Variants in PARP8 observed in about 807,000 individuals in gnomAD.
PARP8 encodes the protein protein mono-ADP-ribosyltransferase PARP8.
PARP8 carries 51 observed loss-of-function variants against 124.1 expected under a neutral mutation model. That is an observed-to-expected ratio of 0.41 (90% CI 0.33 to 0.52). PARP8 has a LOEUF of 0.52. Ranked by LOEUF, PARP8 falls within the 20% of genes least tolerant of loss-of-function variation. The pLI is 0.21. For missense variants in PARP8, 860 were observed against 1,018.9 expected (o/e 0.84, Z 2.12); for synonymous variants, 391 against 361.5 (o/e 1.08, Z -0.93).
chr5:50,825,530 CTG>C (rs1436696483), intron 18 of PARP8, among the ~76,000 whole-genome samples: 1 of 152,168 alleles, frequency 6.6e-6, no homozygotes, highest in Non-Finnish European at 1.5e-5. Flanking sequence ...GAGGGCTAGA[CTG>C]TGAAGAGGAG....
rs188388255 is a variant in PARP8, at chr5:50,819,168, T to C, written c.1669-2045T>C. Reference sequence around the variant, plus strand: ...CTTTGGTGCATCCCATGTAATTGAGTCACAGTAGTTACACTTTTTTTTGAA... The same window carrying C: ...CTTTGGTGCATCCCATGTAATTGAGCCACAGTAGTTACACTTTTTTTTGAA... On this transcript the variant is annotated intron_variant, in intron 15 of 25. Coordinates refer to ENST00000281631, the MANE Select transcript of PARP8 (RefSeq NM_024615.4). Among the ~76,000 whole-genome samples the C allele has an allele frequency of 1.1e-3, 170 of 152,238 alleles. 1 individual carries two copies. Among genetic ancestry groups the C allele is most frequent in the South Asian group, 1.9e-3 (9 of 4,824 alleles).
chr5:50,773,599 C>T (rs1761850931), intron 7 of PARP8, among the ~76,000 whole-genome samples: 1 of 152,118 alleles, frequency 6.6e-6, no homozygotes, highest in African/African-American at 2.4e-5. Context: ...TTGATGTCTC[C>T]AGCTTTGTTC....
chr5:50,702,458 T>G (rs1336374205), intron 2 of PARP8, among the ~76,000 whole-genome samples: 1 of 152,184 alleles, frequency 6.6e-6, no homozygotes, highest in Non-Finnish European at 1.5e-5. Context: ...ATGATGATTT[T>G]CAGGGCTTCT....
At chr5:50,681,136 T>C (rs1276648625) in intron 2 of PARP8, among the ~76,000 whole-genome samples, 2 of 152,194 alleles carry the variant, frequency 1.3e-5, no homozygotes, top group African/African-American at 4.8e-5. Flanking sequence ...AGAAGAATCA[T>C]ACAAATATAT....
chr5:50,690,267 T>G (rs1752354196), intron 2 of PARP8, among the ~76,000 whole-genome samples: 1 of 152,184 alleles, frequency 6.6e-6, no homozygotes, highest in Admixed American at 6.5e-5. Flanking sequence ...GGATTCCTAC[T>G]GGATGGTCTC....
chr5:50,685,059 T>C (rs1325195162), intron 2 of PARP8, among the ~76,000 whole-genome samples: 1 of 152,220 alleles, frequency 6.6e-6, no homozygotes, highest in Non-Finnish European at 1.5e-5. Flanking sequence ...CTGATCATTC[T>C]CTTTGCATTT....
At chr5:50,676,667 C>T (rs181015307) in intron 2 of PARP8, among the ~76,000 whole-genome samples, 2 of 152,196 alleles carry the variant, frequency 1.3e-5, no homozygotes, top group African/African-American at 4.8e-5. Flanking sequence ...CAGAGAAGCT[C>T]GTGGTGGGGG....
intron 7 of PARP8, among the ~76,000 whole-genome samples, chr5:50,771,492 GA>G (rs1222576835): frequency 6.6e-6 from 1 of 151,982 alleles, no homozygotes; most frequent in Non-Finnish European, 1.5e-5. Context: ...AGAGGACAGA[GA>G]AAGCACACAG....
At chr5:50,779,570 T>A (rs1173427250) in intron 9 of PARP8, among the ~76,000 whole-genome samples, 3 of 152,216 alleles carry the variant, frequency 2.0e-5, no homozygotes, top group African/African-American at 7.2e-5. Flanking sequence ...GGGATGCAAA[T>A]GCAAGTGTTG....
At chr5:50,799,460 A>G (rs778680753) in intron 14 of PARP8, among the ~76,000 whole-genome samples, 8 of 152,108 alleles carry the variant, frequency 5.3e-5, no homozygotes, top group Admixed American at 6.5e-5. Flanking sequence ...CATTGTCTTG[A>G]TTAATGTTGC....
chr5:50,813,919 C>T (rs568580864), intron 14 of PARP8, among the ~76,000 whole-genome samples: 1 of 152,072 alleles, frequency 6.6e-6, no homozygotes, highest in Admixed American at 6.6e-5. Flanking sequence ...CTAGTCATAA[C>T]TCATGTCAGT....
intron 1 of PARP8, chr5:50,667,756 C>A: frequency 2.8e-6 from 2 of 725,606 alleles, no homozygotes; most frequent in Non-Finnish European, 4.9e-6. Context: ...CGCCTTTCGT[C>A]CATTTTGCTC....
chr5:50,775,074 T>G (rs1198197826), intron 7 of PARP8, among the ~76,000 whole-genome samples: 1 of 125,232 alleles, frequency 8.0e-6, no homozygotes, highest in African/African-American at 3.1e-5. Context: ...ACTTCCCAGA[T>G]GGGGCGGCCT....
At chr5:50,719,875 T>C (rs1346347572) in intron 2 of PARP8, among the ~76,000 whole-genome samples, 1 of 152,080 alleles carries the variant, frequency 6.6e-6, no homozygotes, top group African/African-American at 2.4e-5. Flanking sequence ...AGAAATGATT[T>C]TCATTATGAA....
At chr5:50,761,757 T>C in intron 5 of PARP8, 64 bp from the exon 6 acceptor site, 4 of 1,071,098 alleles carry the variant, frequency 3.7e-6, no homozygotes, top group Non-Finnish European at 5.5e-6. Flanking sequence ...TTATAGTCAC[T>C]TGCTATTTTA....
At chr5:50,840,957 G>A (rs776071757) in intron 25 of PARP8, among the ~76,000 whole-genome samples, 6 of 151,840 alleles carry the variant, frequency 4.0e-5, no homozygotes, top group Non-Finnish European at 8.8e-5. Context: ...ATTTAGTTAA[G>A]AATTTAGACT....
At chr5:50,757,079 A>G (rs1760045482) in intron 3 of PARP8, 1 of 441,312 alleles carries the variant, frequency 2.3e-6, no homozygotes, top group Non-Finnish European at 4.6e-6. Flanking sequence ...CCATCCATTG[A>G]TGAACACTTA....
chr5:50,713,731 A>C (rs1170911441), intron 2 of PARP8, among the ~76,000 whole-genome samples: 1 of 151,990 alleles, frequency 6.6e-6, no homozygotes, highest in Non-Finnish European at 1.5e-5. Flanking sequence ...TTACCTTGAT[A>C]ATTATGTTGA....
intron 2 of PARP8, among the ~76,000 whole-genome samples, chr5:50,677,204 C>A (rs1370838935): frequency 6.6e-6 from 1 of 151,592 alleles, no homozygotes; most frequent in Non-Finnish European, 1.5e-5. Flanking sequence ...TAAGAAGAGA[C>A]TCGTAGATAT....
Sources: allele counts gnomAD v4.1 joint callset (sites outside exome capture counted in the v4.1 genomes callset), GRCh38; gene constraint gnomAD v4.1.1; transcripts MANE v1.5; gene names NCBI Gene and HGNC (gene_info 2026-07-23, HGNC 2026-07-21).